Variants in GRM8 observed in about 807,000 individuals in gnomAD.
The protein encoded by GRM8 is metabotropic glutamate receptor 8.
GRM8 carries 47 observed loss-of-function variants against 87.2 expected under a neutral mutation model. That is an observed-to-expected ratio of 0.54 (90% CI 0.43 to 0.69). GRM8 has a LOEUF of 0.69. Among genes scored for constraint, GRM8 ranks in the 30% least tolerant of loss-of-function variants. GRM8 has a pLI of 0.00. For missense variants in GRM8, 1,019 were observed against 1,139.2 expected, an observed-to-expected ratio of 0.89 and a Z score of 1.52; for synonymous variants, 396 against 404.5, an observed-to-expected ratio of 0.98 and a Z score of 0.25.
chr7:126,883,054 T>C (rs1280444366), intron 6 of GRM8, among the ~76,000 whole-genome samples: 2 of 152,192 alleles, frequency 1.3e-5, no homozygotes. Flanking sequence ...CCAAATGTTC[T>C]CCTTGGTCAA....
chr7:126,860,625 G>A (rs1286695208), intron 6 of GRM8, among the ~76,000 whole-genome samples: 1 of 151,974 alleles, frequency 6.6e-6, no homozygotes, highest in Admixed American at 6.6e-5. Flanking sequence ...CATTAAAAAT[G>A]TGCTAATATT....
At chr7:126,910,289 CTTCT>C (rs1803154319) in intron 3 of GRM8, among the ~76,000 whole-genome samples, 1 of 151,932 alleles carries the variant, frequency 6.6e-6, no homozygotes, top group South Asian at 2.1e-4. Context: ...TTTTTTGTTA[CTTCT>C]TTTTCTTTTT....
At chr7:126,858,459 C>A (rs1339739146) in intron 6 of GRM8, among the ~76,000 whole-genome samples, 1 of 152,182 alleles carries the variant, frequency 6.6e-6, no homozygotes, top group Non-Finnish European at 1.5e-5. Flanking sequence ...GATGCTCAAG[C>A]CACACTGGCT....
intron 8 of GRM8, among the ~76,000 whole-genome samples, chr7:126,601,050 T>C (rs897256171): frequency 3.3e-5 from 5 of 151,474 alleles, no homozygotes; most frequent in Non-Finnish European, 7.4e-5. Context: ...CATCTAGCAT[T>C]AGGTATATCT....
At chr7:126,559,454 T>C (rs999108754) in intron 8 of GRM8, among the ~76,000 whole-genome samples, 11 of 152,182 alleles carry the variant, frequency 7.2e-5, no homozygotes, top group Admixed American at 2.6e-4. Flanking sequence ...ATTACAGGCA[T>C]ACGCCACCAC....
intron 2 of GRM8, among the ~76,000 whole-genome samples, chr7:127,223,391 G>A (rs1294038298): frequency 6.7e-6 from 1 of 150,236 alleles, no homozygotes; most frequent in East Asian, 2.0e-4. Context: ...AGAAAAAAAT[G>A]AAAACTTTTA....
chr7:126,768,928 A>AAAAAAAAAAAAAAAC (rs1554485615), intron 7 of GRM8, among the ~76,000 whole-genome samples: 46 of 131,844 alleles, frequency 3.5e-4, no homozygotes, highest in African/African-American at 1.5e-3. Context: ...GGAAAAATGC[A>AAAAAAAAAAAAAAAC]AAAAAAAAAA....
At chr7:126,663,260 G>C (rs1712099864) in intron 7 of GRM8, among the ~76,000 whole-genome samples, 1 of 152,156 alleles carries the variant, frequency 6.6e-6, no homozygotes, top group African/African-American at 2.4e-5. Flanking sequence ...CCAAAAAATG[G>C]AGGAGGAGGG....
At chr7:127,226,216 G>C (rs1797311383) in intron 2 of GRM8, among the ~76,000 whole-genome samples, 1 of 152,098 alleles carries the variant, frequency 6.6e-6, no homozygotes, top group African/African-American at 2.4e-5. Flanking sequence ...AACCTCTCAT[G>C]TTCTTTCTGC....
chr7:126,963,431 G>T (rs892749757), intron 3 of GRM8, among the ~76,000 whole-genome samples: 5 of 152,030 alleles, frequency 3.3e-5, no homozygotes, highest in African/African-American at 4.8e-5. Flanking sequence ...AAACCCCTTC[G>T]TCTCAGCTCG....
intron 6 of GRM8, among the ~76,000 whole-genome samples, chr7:126,781,952 G>A (rs917779051): frequency 7.2e-5 from 11 of 152,044 alleles, no homozygotes; most frequent in Non-Finnish European, 1.5e-4. Context: ...CTGGCCTCAA[G>A]CAATCTTCCC....
At chr7:126,511,100 G>A (rs1811307278) in intron 9 of GRM8, 3 of 152,154 alleles carry the variant, frequency 2.0e-5, no homozygotes, top group African/African-American at 7.2e-5. Context: ...TTTCTCTATG[G>A]AGATATCTAT....
intron 7 of GRM8, among the ~76,000 whole-genome samples, chr7:126,723,540 T>A (rs1713379278): frequency 7.1e-6 from 1 of 141,226 alleles, no homozygotes; most frequent in South Asian, 2.2e-4. Context: ...TAATTATTAA[T>A]GCTCAGAGGC....
chr7:126,878,642 C>A (rs1799745693), intron 6 of GRM8, among the ~76,000 whole-genome samples: 1 of 151,782 alleles, frequency 6.6e-6, no homozygotes, highest in African/African-American at 2.4e-5. Flanking sequence ...GCCTCAGCCT[C>A]CCAAATAGCT....
intron 2 of GRM8, among the ~76,000 whole-genome samples, chr7:127,109,326 A>T (rs1305457262): frequency 1.4e-5 from 2 of 147,578 alleles, no homozygotes; most frequent in South Asian, 4.3e-4. Context: ...CCCATCCTTT[A>T]AAAAAAAAAG....
intron 6 of GRM8, among the ~76,000 whole-genome samples, chr7:126,816,718 G>A (rs898296001): frequency 1.4e-5 from 2 of 140,828 alleles, no homozygotes; most frequent in Non-Finnish European, 3.1e-5. Context: ...CCTAATGTGA[G>A]ATAGTATATG....
At chr7:126,962,534 G>A (rs945566838) in intron 3 of GRM8, among the ~76,000 whole-genome samples, 1 of 152,206 alleles carries the variant, frequency 6.6e-6, no homozygotes, top group Non-Finnish European at 1.5e-5. Context: ...TTGTATTACT[G>A]TGAGTAGAAC....
chr7:126,893,860 AC>A (rs1801294156), intron 6 of GRM8, among the ~76,000 whole-genome samples: 1 of 151,998 alleles, frequency 6.6e-6, no homozygotes, highest in African/African-American at 2.4e-5. Flanking sequence ...AGCTCTAATC[AC>A]ACTTTATGTC....
chr7:126,656,015 T>G (rs548649331), intron 7 of GRM8, among the ~76,000 whole-genome samples: 6 of 152,286 alleles, frequency 3.9e-5, no homozygotes, highest in South Asian at 2.1e-4. Context: ...ATAATAAAAT[T>G]TATCTTAAAT....
Sources: allele counts gnomAD v4.1 joint callset (sites outside exome capture counted in the v4.1 genomes callset), GRCh38; gene constraint gnomAD v4.1.1; transcripts MANE v1.5; gene names NCBI Gene and HGNC (gene_info 2026-07-23, HGNC 2026-07-21).